IMMP1L: variants seen among roughly 807,000 people sequenced by gnomAD.
IMMP1L encodes mitochondrial inner membrane protease subunit 1.
Under a neutral mutation model 21.8 loss-of-function variants are expected in IMMP1L, and 24 were observed. That is an observed-to-expected ratio of 1.10 (90% CI 0.80 to 1.55). The LOEUF (loss-of-function observed/expected upper bound fraction) is 1.55, where lower values mean the gene tolerates loss of function less well. IMMP1L is among the 40% of genes most tolerant of loss of function. IMMP1L has a pLI of 0.00. For missense variants in IMMP1L, 195 were observed against 200.7 expected, an observed-to-expected ratio of 0.97 and a Z score of 0.17; for synonymous variants, 46 against 62.8, an observed-to-expected ratio of 0.73 and a Z score of 1.26.
intron 1 of IMMP1L, among the ~76,000 whole-genome samples, chr11:31,486,180 C>A (rs547272563): frequency 2.0e-5 from 3 of 151,810 alleles, no homozygotes; most frequent in African/African-American, 7.2e-5. Flanking sequence ...CATATTTTCA[C>A]TTAAATGACT....
At chr11:31,446,470 G>A (rs1953525072) in intron 4 of IMMP1L, among the ~76,000 whole-genome samples, 1 of 152,102 alleles carries the variant, frequency 6.6e-6, no homozygotes, top group African/African-American at 2.4e-5. Flanking sequence ...CTTATTTTTA[G>A]GGATGGGGTC....
At chr11:31,499,957 A>AATAAATAG (rs1955566072) in intron 1 of IMMP1L, among the ~76,000 whole-genome samples, 1 of 150,624 alleles carries the variant, frequency 6.6e-6, no homozygotes, top group Admixed American at 6.6e-5. Flanking sequence ...TAAATAAATA[A>AATAAATAG]ATAAATAAAT....
intron 1 of IMMP1L, chr11:31,477,273 T>C (rs1315103992): frequency 6.6e-6 from 1 of 152,218 alleles, no homozygotes; most frequent in Non-Finnish European, 1.5e-5. Context: ...TATAAAAGTA[T>C]TTAAATTAAT....
At chr11:31,482,286 TA>T (rs1462917320) in intron 1 of IMMP1L, among the ~76,000 whole-genome samples, 4 of 151,982 alleles carry the variant, frequency 2.6e-5, no homozygotes, top group Admixed American at 2.6e-4. Flanking sequence ...ACTAAGAAGA[TA>T]AAACATTCTT....
chr11:31,460,943 C>T (rs568011444), intron 2 of IMMP1L, among the ~76,000 whole-genome samples: 5 of 151,968 alleles, frequency 3.3e-5, no homozygotes, highest in Non-Finnish European at 7.4e-5. Flanking sequence ...CATTATAATG[C>T]CTGAATAAAA....
intron 1 of IMMP1L, among the ~76,000 whole-genome samples, chr11:31,473,035 T>TTTG (rs1240626956): frequency 6.1e-4 from 92 of 151,154 alleles, no homozygotes; most frequent in Admixed American, 7.9e-4. Context: ...ACGGCTAATT[T>TTTG]TTGTTGTTGT....
chr11:31,450,739 C>T (rs1479240657), intron 4 of IMMP1L, among the ~76,000 whole-genome samples: 1 of 152,094 alleles, frequency 6.6e-6, no homozygotes, highest in Non-Finnish European at 1.5e-5. Flanking sequence ...GAAGTTGTAA[C>T]ATCATGCATT....
chr11:31,507,486 T>C (rs190341767), intron 1 of IMMP1L, among the ~76,000 whole-genome samples: 28 of 152,076 alleles, frequency 1.8e-4, no homozygotes, highest in Admixed American at 1.6e-3. Flanking sequence ...GTTAAGTAAA[T>C]ACAGTAGGAA....
At chr11:31,483,944 A>G (rs867191189) in intron 1 of IMMP1L, among the ~76,000 whole-genome samples, 2 of 151,894 alleles carry the variant, frequency 1.3e-5, no homozygotes, top group Non-Finnish European at 2.9e-5. Context: ...ATGATTTATA[A>G]TACTTTTTTT....
intron 3 of IMMP1L, among the ~76,000 whole-genome samples, chr11:31,456,590 A>C (rs1953946455): frequency 1.3e-5 from 2 of 152,130 alleles, no homozygotes; most frequent in Admixed American, 6.5e-5. Context: ...AAGAGTGATA[A>C]AAAGGCTATC....
intron 1 of IMMP1L, among the ~76,000 whole-genome samples, chr11:31,505,524 A>T (rs1003040229): frequency 1.3e-5 from 2 of 152,244 alleles, no homozygotes; most frequent in Admixed American, 6.5e-5. Flanking sequence ...ACTTCTTCTG[A>T]CATGGACCCC....
intron 1 of IMMP1L, among the ~76,000 whole-genome samples, chr11:31,488,733 C>G (rs1043580375): frequency 2.6e-5 from 4 of 151,918 alleles, no homozygotes; most frequent in Non-Finnish European, 5.9e-5. Flanking sequence ...GTGTGTGATA[C>G]TGTAAAAAAA....
chr11:31,435,324 T>G (rs1953082047), intron 4 of IMMP1L, among the ~76,000 whole-genome samples: 1 of 152,174 alleles, frequency 6.6e-6, no homozygotes, highest in African/African-American at 2.4e-5. Context: ...TTTCCAATAC[T>G]TAACACACAA....
intron 4 of IMMP1L, among the ~76,000 whole-genome samples, chr11:31,443,746 C>T (rs1385108732): frequency 5.3e-5 from 8 of 152,142 alleles, no homozygotes; most frequent in Non-Finnish European, 1.0e-4. Context: ...CTATCTACAT[C>T]ATTGCTGGGA....
intron 1 of IMMP1L, among the ~76,000 whole-genome samples, chr11:31,482,442 T>A (rs947385522): frequency 6.6e-6 from 1 of 151,974 alleles, no homozygotes; most frequent in Admixed American, 6.6e-5. Flanking sequence ...AAGAAATAGT[T>A]GCAATACCCA....
chr11:31,459,529 A>C (rs1954066864), intron 3 of IMMP1L, among the ~76,000 whole-genome samples: 2 of 152,336 alleles, frequency 1.3e-5, no homozygotes, highest in South Asian at 2.1e-4. Context: ...ATTTGGAATA[A>C]ATCATTCTCA....
At chr11:31,474,223 G>A (rs191463602) in intron 1 of IMMP1L, among the ~76,000 whole-genome samples, 1 of 152,222 alleles carries the variant, frequency 6.6e-6, no homozygotes, top group East Asian at 1.9e-4. Context: ...AAAAGTAACT[G>A]AGAGATATAT....
chr11:31,478,396 T>C (rs1198283990), intron 1 of IMMP1L, among the ~76,000 whole-genome samples: 1 of 152,220 alleles, frequency 6.6e-6, no homozygotes, highest in African/African-American at 2.4e-5. Flanking sequence ...TGCTCTGTAA[T>C]TGAAATGTAC....
intron 1 of IMMP1L, among the ~76,000 whole-genome samples, chr11:31,492,977 A>G (rs553446300): frequency 6.6e-6 from 1 of 152,336 alleles, no homozygotes; most frequent in South Asian, 2.1e-4. Flanking sequence ...GTGAGCATGT[A>G]CTGTTGGAAA....
Sources: gnomAD v4.1 joint callset for allele counts (sites outside exome capture counted in the v4.1 genomes callset) on GRCh38, gnomAD v4.1.1 for gene constraint, MANE v1.5 for transcripts, NCBI Gene and HGNC (gene_info 2026-07-23, HGNC 2026-07-21) for gene names.